The following DSN1 variants were observed in gnomAD, a reference collection of about 807,000 sequenced individuals.
The protein encoded by DSN1 is kinetochore-associated protein DSN1 homolog.
In DSN1, 31 loss-of-function variants were observed where a neutral mutation model predicts 45.7. That is an observed-to-expected ratio of 0.68 (90% confidence interval 0.51 to 0.92). DSN1 has a LOEUF of 0.92. DSN1 is among the 40% of genes least tolerant of loss of function. DSN1 has a pLI of 0.00. For missense variants in DSN1, 394 were observed against 414.2 expected (o/e 0.95, Z 0.42); for synonymous variants, 134 against 142.3 (o/e 0.94, Z 0.41).
intron 1 of DSN1, 145 bp downstream of exon 1, chr20:36,773,517 T>G (rs1270388354): frequency 1.1e-5 from 11 of 985,804 alleles, no homozygotes; most frequent in African/African-American, 1.0e-4. Context: ...GGACCCCCAG[T>G]GTCCACGGTC....
chr20:36,758,058 A>G, intron 8 of DSN1, 29 bp downstream of exon 8: 1 of 1,598,226 alleles, frequency 6.3e-7, no homozygotes, highest in Non-Finnish European at 8.6e-7. Flanking sequence ...TAAGATTTTT[A>G]AAGAGTTTTT....
intron 10 of DSN1, 55 bp from the exon 11 acceptor site, chr20:36,752,952 T>C: frequency 7.0e-7 from 1 of 1,432,956 alleles, no homozygotes; most frequent in South Asian, 1.1e-5. Flanking sequence ...GTAACATTTA[T>C]TGAAAACTTA....
intron 5 of DSN1, among the ~76,000 whole-genome samples, chr20:36,764,378 T>C (rs1568695270): frequency 6.6e-6 from 1 of 152,198 alleles, no homozygotes; most frequent in Non-Finnish European, 1.5e-5. Flanking sequence ...AAGGTGATGG[T>C]ACAATTCTGA....
At position 36,758,112 on chromosome 20, in the gene DSN1, G is replaced by T. The variant is rs753821319; in HGVS notation, c.700C>A (p.Gln234Lys). Reference protein sequence around the residue: ...TWDQLLLHYQQEAKEILSRGS... With the variant: ...TWDQLLLHYQKEAKEILSRGS... Reference sequence around the variant, plus strand: ...CTGGACAATATCTCTTTAGCCTCCTGCTGGTAGTGAAGCAAGAGCTGATCC... The same window carrying T: ...CTGGACAATATCTCTTTAGCCTCCTTCTGGTAGTGAAGCAAGAGCTGATCC... Residue 234 changes from glutamine to lysine, a missense_variant, in exon 8 of 11, where the codon CAG becomes AAG. Coordinates refer to ENST00000373750, the MANE Select transcript of DSN1 (RefSeq NM_001145315.2). 2 of 1,614,052 alleles carry T rather than the reference G, an allele frequency of 1.2e-6. No homozygotes were observed. Among genetic ancestry groups the T allele is most frequent in the African/African-American group, 1.3e-5 (1 of 75,054 alleles).
intron 9 of DSN1, among the ~76,000 whole-genome samples, chr20:36,755,428 A>G (rs1194611691): frequency 6.6e-6 from 1 of 152,048 alleles, no homozygotes; most frequent in Non-Finnish European, 1.5e-5. Flanking sequence ...GGAGCCTTCA[A>G]TAACCTTGCT....
Position 36,755,680 on chromosome 20 carries a change from A to C in DSN1, c.873+2T>G, listed in dbSNP as rs757454963. The C allele has an allele frequency of 1.2e-6, 2 of 1,610,696 alleles. No individual in the cohort carries two copies. Among genetic ancestry groups the C allele is most frequent in the Non-Finnish European group, 1.7e-6 (2 of 1,178,816 alleles). On this transcript the variant is annotated splice_donor_variant, in intron 9 of 10. Transcript: ENST00000373750. LOFTEE classifies it high-confidence loss of function. The stretch of plus-strand genomic sequence containing the variant: ...CAACTAAATAAACATGAGCCCACTT[A>C]CCACCAACTCCATACAGTCAAAGAC...
At chr20:36,770,556 AATAAT>A (rs1186809401) in intron 3 of DSN1, among the ~76,000 whole-genome samples, 6 of 152,230 alleles carry the variant, frequency 3.9e-5, no homozygotes, top group South Asian at 2.1e-4. Flanking sequence ...TGTGGCAGCT[AATAAT>A]ATAATATAAG....
Position 36,752,610 on chromosome 20 carries a change from C to T in DSN1, c.*178G>A. On this transcript the variant is annotated 3_prime_UTR_variant, in exon 11 of 11. Transcript: ENST00000373750. ...CACATTCCTGGGAAAATTGTCTATACAATATTCATTTGGATGTACAAATTC... is the reference window on the plus strand; with the variant it reads ...CACATTCCTGGGAAAATTGTCTATATAATATTCATTTGGATGTACAAATTC... 3.8e-6 allele frequency: 2 copies of T among 528,246 alleles called. No homozygotes were observed. The highest frequency in any genetic ancestry group is 3.4e-6 in the Non-Finnish European group (1 of 297,114). The allele number at this position is 528,246 out of a possible 1,614,324, so 32.7% of individuals were successfully genotyped here.
rs201203099 is a variant in DSN1, at chr20:36,755,635, G to C, written c.873+47C>G. On this transcript the variant is annotated intron_variant, in intron 9 of 10. Transcript: ENST00000373750. ...GTCTTTTAATTTCCAAGGATTACAA[G>C]GTGGCAAAGCTGGATAACTCAACTA... 38 of 1,584,140 alleles carry C rather than the reference G, an allele frequency of 2.4e-5. No individual in the cohort carries two copies. The African/African-American group carries it at 4.1e-4, about 17-fold the overall frequency.
intron 2 of DSN1, 82 bp from the exon 3 acceptor site, chr20:36,771,275 T>C: frequency 6.7e-7 from 1 of 1,499,982 alleles, no homozygotes; most frequent in Non-Finnish European, 9.1e-7. Flanking sequence ...AAAGTAAATG[T>C]ATGCCCCTAG....
At chr20:36,756,578 G>A (rs1986690054) in intron 8 of DSN1, among the ~76,000 whole-genome samples, 2 of 152,208 alleles carry the variant, frequency 1.3e-5, no homozygotes, top group Admixed American at 6.5e-5. Flanking sequence ...TTTACTGAGT[G>A]CTAAGTATAT....
chr20:36,764,704 TGAGGTCAA>T (rs1486398820), intron 5 of DSN1, among the ~76,000 whole-genome samples: 1 of 152,126 alleles, frequency 6.6e-6, no homozygotes, highest in Non-Finnish European at 1.5e-5. Flanking sequence ...GTGAATCACC[TGAGGTCAA>T]GAGTTTGAGA....
At chr20:36,762,794 T>C (rs1450772857) in intron 5 of DSN1, among the ~76,000 whole-genome samples, 1 of 152,004 alleles carries the variant, frequency 6.6e-6, no homozygotes, top group Admixed American at 6.6e-5. Context: ...CTCCGTCACC[T>C]AGGCTGGAGT....
rs557839882 is a variant in DSN1, at chr20:36,755,576, T to C, written c.873+106A>G. 33 of 1,337,448 alleles carry C rather than the reference T, an allele frequency of 2.5e-5. No homozygotes were observed. The South Asian group carries it at 4.9e-4, about 20-fold the overall frequency. 82.8% of individuals were successfully genotyped at this position (1,337,448 alleles called of 1,614,324 possible). ...TGTTTTCCTAAGGTAGAGTTGAATA[T>C]ACATATTCAACTTACACTTATACAT... On this transcript the variant is annotated intron_variant, in intron 9 of 10. Transcript: ENST00000373750.
At chr20:36,764,922 A>G (rs946916959) in intron 5 of DSN1, among the ~76,000 whole-genome samples, 3 of 148,610 alleles carry the variant, frequency 2.0e-5, no homozygotes, top group African/African-American at 7.8e-5. Flanking sequence ...TCCATCTCAA[A>G]AAAAAAAAAA....
chr20:36,753,082 G>A (rs541991259), intron 10 of DSN1, among the ~76,000 whole-genome samples, 185 bp from the exon 11 acceptor site: 2 of 151,812 alleles, frequency 1.3e-5, no homozygotes, highest in East Asian at 1.9e-4. Flanking sequence ...GGTGGCTCAC[G>A]CCTGTAATCC....
intron 5 of DSN1, 70 bp downstream of exon 5, chr20:36,766,699 T>A (rs2148279254): frequency 7.5e-7 from 1 of 1,335,944 alleles, no homozygotes. Context: ...GCAGCTTCTG[T>A]AAATGGGGAT....
Position 36,752,810 on chromosome 20 carries a change from G to A in DSN1, c.1049C>T (p.Ser350Phe). The change falls in exon 11 of 11, where the codon TCT becomes TTT. Residue 350 changes from serine to phenylalanine, a missense_variant. By Grantham distance (155) the Ser-to-Phe change is radical (BLOSUM62 -2). Coordinates refer to ENST00000373750, the MANE Select transcript of DSN1 (RefSeq NM_001145315.2). ...AAGTCACTGACAAGATCCAGATCCAGATCCATGTATGGCAGGTGGGTTCTG... is the reference window on the plus strand; with the variant it reads ...AAGTCACTGACAAGATCCAGATCCAAATCCATGTATGGCAGGTGGGTTCTG... ...QLQNPPAIHG[S>F]GSGSCQ 1 of 1,614,186 alleles carries A rather than the reference G, an allele frequency of 6.2e-7. No homozygotes were observed. Among genetic ancestry groups the A allele is most frequent in the Non-Finnish European group, 8.5e-7 (1 of 1,180,022 alleles).
At chr20:36,773,486 A>G in intron 1 of DSN1, 176 bp downstream of exon 1, 7 of 985,570 alleles carry the variant, frequency 7.1e-6, no homozygotes, top group Non-Finnish European at 8.4e-6. Flanking sequence ...TTCACCCGGG[A>G]GGAGGTCGCA....
Sources: allele counts gnomAD v4.1 joint callset (sites outside exome capture counted in the v4.1 genomes callset), GRCh38; gene constraint gnomAD v4.1.1; transcripts MANE v1.5; gene names NCBI Gene and HGNC (gene_info 2026-07-23, HGNC 2026-07-21).